The following ANKRD44 variants were observed in gnomAD, a reference collection of about 807,000 sequenced individuals.
The protein encoded by ANKRD44 is serine/threonine-protein phosphatase 6 regulatory ankyrin repeat subunit B.
Under a neutral mutation model 116.0 loss-of-function variants are expected in ANKRD44, and 35 were observed. The observed-to-expected ratio is 0.30, with a 90% CI of 0.23 to 0.40. The LOEUF is 0.40. ANKRD44 is among the 10% of genes least tolerant of loss of function. The pLI is 1.00. For missense variants in ANKRD44, 1,014 were observed against 1,242.6 expected (o/e 0.82, Z 2.77); for synonymous variants, 435 against 461.8 (o/e 0.94, Z 0.74).
intron 2 of ANKRD44, among the ~76,000 whole-genome samples, chr2:197,179,096 C>T (rs2080440754): frequency 6.6e-6 from 1 of 152,068 alleles, no homozygotes; most frequent in Admixed American, 6.5e-5. Context: ...ATCCTTTATC[C>T]TATACCAAAT....
intron 2 of ANKRD44, among the ~76,000 whole-genome samples, chr2:197,173,838 G>A (rs6718328): frequency 0.22 from 33,977 of 151,948 alleles, 3,990 homozygotes; most frequent in Middle Eastern, 0.27. Flanking sequence ...TTCAAGACCA[G>A]CCTGGCCAAC....
At chr2:197,188,747 G>GCACA (rs35947744) in intron 1 of ANKRD44, among the ~76,000 whole-genome samples, 2 of 151,844 alleles carry the variant, frequency 1.3e-5, no homozygotes, top group Non-Finnish European at 2.9e-5. Flanking sequence ...TGGTAATTAT[G>GCACA]CACACACACA....
intron 16 of ANKRD44, among the ~76,000 whole-genome samples, chr2:197,076,421 G>A (rs922187226): frequency 1.3e-5 from 2 of 152,064 alleles, no homozygotes; most frequent in Non-Finnish European, 2.9e-5. Flanking sequence ...AAGATATTGG[G>A]TTCCTACAGA....
chr2:197,085,724 C>T (rs189173090), intron 13 of ANKRD44, among the ~76,000 whole-genome samples: 6 of 152,124 alleles, frequency 3.9e-5, no homozygotes, highest in East Asian at 1.9e-4. Flanking sequence ...AAGAAATAAC[C>T]GTAAAAATGG....
chr2:197,152,059 T>C (rs959523057), intron 2 of ANKRD44, among the ~76,000 whole-genome samples: 1 of 152,224 alleles, frequency 6.6e-6, no homozygotes, highest in African/African-American at 2.4e-5. Flanking sequence ...AGGGCCAGCC[T>C]TCTGGGTCAG....
chr2:197,059,377 T>C (rs997866714), intron 16 of ANKRD44, among the ~76,000 whole-genome samples: 2 of 152,232 alleles, frequency 1.3e-5, no homozygotes, highest in African/African-American at 4.8e-5. Context: ...AATGTTAAAT[T>C]ACAGCATAAA....
intron 1 of ANKRD44, among the ~76,000 whole-genome samples, chr2:197,245,763 G>C (rs916686723): frequency 6.6e-6 from 1 of 152,076 alleles, no homozygotes; most frequent in African/African-American, 2.4e-5. Flanking sequence ...CTCGCATTTA[G>C]GGAAAATTAG....
chr2:197,282,514 T>C (rs2105835579), intron 1 of ANKRD44, among the ~76,000 whole-genome samples: 1 of 152,196 alleles, frequency 6.6e-6, no homozygotes, highest in East Asian at 1.9e-4. Flanking sequence ...TTTGATGTGG[T>C]GTGATGAGGA....
intron 2 of ANKRD44, among the ~76,000 whole-genome samples, chr2:197,152,650 G>A (rs1349176157): frequency 6.6e-6 from 1 of 152,178 alleles, no homozygotes; most frequent in Non-Finnish European, 1.5e-5. Flanking sequence ...CTTGAAGTAG[G>A]TACATGCAAA....
chr2:197,040,957 G>A (rs1038504616), intron 16 of ANKRD44, among the ~76,000 whole-genome samples: 1 of 152,102 alleles, frequency 6.6e-6, no homozygotes, highest in African/African-American at 2.4e-5. Flanking sequence ...TATTATGACA[G>A]TCATGTTTTT....
intron 21 of ANKRD44, among the ~76,000 whole-genome samples, chr2:197,005,011 T>G (rs751101066): frequency 6.6e-6 from 1 of 152,096 alleles, no homozygotes; most frequent in Non-Finnish European, 1.5e-5. Context: ...ATAGAATGGC[T>G]GCTATTTGTT....
Position 197,239,288 on chromosome 2 carries a change from G to A in ANKRD44, c.28-52182C>T, listed in dbSNP as rs183030067. ...TTTGAGACATGGTCTCAGTCACCCA[G>A]GCTAGAGAGCATGGCTCACTGAAGC... On this transcript the variant is annotated intron_variant, in intron 1 of 27. Coordinates refer to ENST00000282272, the MANE Select transcript of ANKRD44 (RefSeq NM_001195144.2). Among the ~76,000 whole-genome samples the A allele has an allele frequency of 6.2e-3, 938 of 152,300 alleles. 6 individuals carry two copies. The highest frequency in any genetic ancestry group is 0.027 in the Middle Eastern group (8 of 294).
intron 1 of ANKRD44, among the ~76,000 whole-genome samples, chr2:197,257,525 G>C (rs2712893): frequency 0.41 from 61,532 of 151,706 alleles, 12,712 homozygotes; most frequent in African/African-American, 0.45. Context: ...AATATTTTTG[G>C]ACAAATTTTT....
At chr2:197,009,125 C>G (rs2076251911) in intron 18 of ANKRD44, 94 bp from the exon 19 acceptor site, 1 of 1,027,352 alleles carries the variant, frequency 9.7e-7, no homozygotes, top group Non-Finnish European at 1.5e-6. Context: ...TGGAGTCTTG[C>G]TCTGTCGCCA....
chr2:197,221,799 A>C (rs1293856897), intron 1 of ANKRD44, among the ~76,000 whole-genome samples: 6 of 152,204 alleles, frequency 3.9e-5, no homozygotes, highest in Non-Finnish European at 5.9e-5. Context: ...AGGGGAAGAA[A>C]TTACATTCGA....
chr2:197,094,788 T>C (rs1456269302), intron 10 of ANKRD44, among the ~76,000 whole-genome samples: 2 of 152,218 alleles, frequency 1.3e-5, no homozygotes, highest in Admixed American at 1.3e-4. Context: ...TTCCAAGTAT[T>C]TATTATGCAC....
At chr2:197,279,117 A>G (rs2083190406) in intron 1 of ANKRD44, among the ~76,000 whole-genome samples, 1 of 152,158 alleles carries the variant, frequency 6.6e-6, no homozygotes, top group African/African-American at 2.4e-5. Context: ...TGTATTTAAG[A>G]GTGGATCGCA....
At chr2:197,211,819 G>A (rs1279298783) in intron 1 of ANKRD44, among the ~76,000 whole-genome samples, 1 of 151,838 alleles carries the variant, frequency 6.6e-6, no homozygotes. Context: ...AAGAGGAATA[G>A]TGGGGGGCAG....
At chr2:197,256,416 T>A (rs766606905) in intron 1 of ANKRD44, among the ~76,000 whole-genome samples, 1 of 152,186 alleles carries the variant, frequency 6.6e-6, no homozygotes, top group South Asian at 2.1e-4. Context: ...GTTCTCCATA[T>A]ACCAACGGCT....
Sources: gnomAD v4.1 joint callset for allele counts (sites outside exome capture counted in the v4.1 genomes callset) on GRCh38, gnomAD v4.1.1 for gene constraint, MANE v1.5 for transcripts, NCBI Gene and HGNC (gene_info 2026-07-23, HGNC 2026-07-21) for gene names.